CAMTA1: variants seen among roughly 807,000 people sequenced by gnomAD.
The protein encoded by CAMTA1 is calmodulin binding transcription activator 1.
CAMTA1 carries 27 observed loss-of-function variants against 170.9 expected under a neutral mutation model. That is an observed-to-expected ratio of 0.16 (90% CI 0.12 to 0.22). The LOEUF (loss-of-function observed/expected upper bound fraction) is 0.22. Ranked by LOEUF, CAMTA1 falls within the 10% of genes least tolerant of loss-of-function variation. The pLI, the probability that CAMTA1 is intolerant of heterozygous loss-of-function variation, is 1.00. For missense variants in CAMTA1, 1,619 were observed against 2,217.2 expected, an observed-to-expected ratio of 0.73 and a Z score of 5.42; for synonymous variants, 833 against 891.5, an observed-to-expected ratio of 0.93 and a Z score of 1.17.
intron 4 of CAMTA1, among the ~76,000 whole-genome samples, chr1:7,107,465 G>C (rs1306194481): frequency 6.6e-6 from 1 of 152,152 alleles, no homozygotes; most frequent in Non-Finnish European, 1.5e-5. Flanking sequence ...GATAGGGTCG[G>C]GAGAGACAAT....
intron 6 of CAMTA1, among the ~76,000 whole-genome samples, chr1:7,487,876 C>T (rs370208909): frequency 5.9e-5 from 9 of 152,280 alleles, no homozygotes; most frequent in African/African-American, 1.9e-4. Context: ...CTGAGCCCCT[C>T]GGTTGCTCAC....
At chr1:7,632,058 T>C (rs992315308) in intron 6 of CAMTA1, among the ~76,000 whole-genome samples, 1 of 152,164 alleles carries the variant, frequency 6.6e-6, no homozygotes, top group African/African-American at 2.4e-5. Flanking sequence ...ATCCCGTCCC[T>C]AATAAACCCT....
chr1:6,810,434 C>T (rs2148335168), intron 1 of CAMTA1, among the ~76,000 whole-genome samples: 1 of 152,308 alleles, frequency 6.6e-6, no homozygotes, highest in East Asian at 1.9e-4. Context: ...ACAGTCTGCC[C>T]ATTACCTTTG....
intron 17 of CAMTA1, among the ~76,000 whole-genome samples, chr1:7,745,339 C>T (rs1478575405): frequency 6.6e-6 from 1 of 151,972 alleles, no homozygotes; most frequent in Non-Finnish European, 1.5e-5. Flanking sequence ...CCAGCCTGGC[C>T]AACATGGTAA....
chr1:7,185,708 G>A (rs2148912273), intron 4 of CAMTA1, among the ~76,000 whole-genome samples: 1 of 152,268 alleles, frequency 6.6e-6, no homozygotes, highest in South Asian at 2.1e-4. Context: ...GAAGAATGAA[G>A]GACCTGACAT....
intron 3 of CAMTA1, among the ~76,000 whole-genome samples, chr1:6,955,982 G>A (rs1008980080): frequency 1.8e-4 from 27 of 152,180 alleles, no homozygotes; most frequent in Non-Finnish European, 2.9e-5. Flanking sequence ...TGCAGCTTCC[G>A]GCAAGTCCTT....
At chr1:7,009,929 TC>T (rs1699549507) in intron 3 of CAMTA1, among the ~76,000 whole-genome samples, 1 of 152,098 alleles carries the variant, frequency 6.6e-6, no homozygotes. Flanking sequence ...CTCAGGGAGC[TC>T]CCCATTTGAG....
At chr1:7,162,296 C>T (rs1377040034) in intron 4 of CAMTA1, among the ~76,000 whole-genome samples, 1 of 152,160 alleles carries the variant, frequency 6.6e-6, no homozygotes, top group African/African-American at 2.4e-5. Flanking sequence ...GGGAGTTCCA[C>T]AGTTGGACAT....
intron 5 of CAMTA1, among the ~76,000 whole-genome samples, chr1:7,256,707 G>A (rs547633204): frequency 1.1e-4 from 17 of 152,316 alleles, no homozygotes; most frequent in African/African-American, 3.8e-4. Flanking sequence ...TAGACTGGGT[G>A]GCTTAAACAA....
intron 6 of CAMTA1, among the ~76,000 whole-genome samples, chr1:7,520,669 A>G (rs1354520880): frequency 1.3e-5 from 2 of 152,008 alleles, no homozygotes. Flanking sequence ...CTGGCTGCAG[A>G]GTTGGGCGGT....
At position 7,482,101 on chromosome 1, in the gene CAMTA1, T is replaced by G. The variant is rs1275072146; in HGVS notation, c.510+14200T>G. 6.6e-6 allele frequency among the ~76,000 whole-genome samples: 1 copy of G among 152,182 alleles called. No individual in the cohort carries two copies. The highest frequency in any genetic ancestry group is 6.5e-5 in the Admixed American group (1 of 15,272). On this transcript the variant is annotated intron_variant, in intron 6 of 22. Coordinates refer to ENST00000303635, the MANE Select transcript of CAMTA1 (RefSeq NM_015215.4). The surrounding 1 kb of genome is among the most constrained non-coding windows in gnomAD (Gnocchi z 4.2). ...CAGTATATGCACTCAGGTATATACT[T>G]GGCTTCTTTCACTCCACATCGTATT...
At chr1:7,086,731 G>A in intron 3 of CAMTA1, among the ~76,000 whole-genome samples, 1 of 152,206 alleles carries the variant, frequency 6.6e-6, no homozygotes, top group South Asian at 2.1e-4. Flanking sequence ...TCATGTAGTA[G>A]CCGGTATTAG....
At chr1:7,087,556 C>G (rs1640908206) in intron 3 of CAMTA1, among the ~76,000 whole-genome samples, 1 of 152,158 alleles carries the variant, frequency 6.6e-6, no homozygotes, top group Non-Finnish European at 1.5e-5. Flanking sequence ...CTGTGGCTGT[C>G]CCTTCTGAAA....
intron 6 of CAMTA1, among the ~76,000 whole-genome samples, chr1:7,471,531 AG>A (rs1223822366): frequency 6.6e-6 from 1 of 152,228 alleles, no homozygotes; most frequent in Non-Finnish European, 1.5e-5. Context: ...CACAGCTGAC[AG>A]GGCCTTCAGG....
chr1:7,202,092 T>G (rs1296768709), intron 4 of CAMTA1, among the ~76,000 whole-genome samples: 1 of 152,248 alleles, frequency 6.6e-6, no homozygotes, highest in Non-Finnish European at 1.5e-5. Context: ...TTCAATTTCA[T>G]TCTTTTGCAT....
intron 5 of CAMTA1, among the ~76,000 whole-genome samples, chr1:7,376,426 C>T (rs1430639206): frequency 1.3e-5 from 2 of 152,190 alleles, no homozygotes; most frequent in East Asian, 1.9e-4. Flanking sequence ...CACACATACA[C>T]GTGAGCCAAG....
chr1:7,077,629 G>T (rs1639473906), intron 3 of CAMTA1, among the ~76,000 whole-genome samples: 1 of 151,952 alleles, frequency 6.6e-6, no homozygotes, highest in Admixed American at 6.6e-5. Context: ...TTGTATCTTG[G>T]ATGTGTTAAT....
chr1:6,869,397 C>G (rs1667736843), intron 3 of CAMTA1, among the ~76,000 whole-genome samples: 1 of 152,202 alleles, frequency 6.6e-6, no homozygotes, highest in Non-Finnish European at 1.5e-5. Flanking sequence ...TTCCTCTTTA[C>G]AGCATTATTT....
chr1:7,654,752 T>TGTAC (rs2095870540), intron 7 of CAMTA1, among the ~76,000 whole-genome samples: 1 of 37,896 alleles, frequency 2.6e-5, no homozygotes, highest in African/African-American at 8.8e-5. Context: ...TACACACACA[T>TGTAC]ATACAAACAC....
Sources: allele counts gnomAD v4.1 joint callset (sites outside exome capture counted in the v4.1 genomes callset), GRCh38; gene constraint gnomAD v4.1.1; non-coding constraint Gnocchi (gnomAD v3.1); transcripts MANE v1.5; gene names NCBI Gene and HGNC (gene_info 2026-07-23, HGNC 2026-07-21).